The following CCSER1 variants were observed in gnomAD, a reference collection of about 807,000 sequenced individuals.
CCSER1 encodes the protein coiled-coil serine rich protein 1, also known as serine-rich coiled-coil domain-containing protein 1.
In CCSER1, 41 loss-of-function variants were observed where a neutral mutation model predicts 82.0. That is an observed-to-expected ratio of 0.50 (90% confidence interval 0.39 to 0.65). The LOEUF (loss-of-function observed/expected upper bound fraction) is 0.65. Among genes scored for constraint, CCSER1 ranks in the 30% least tolerant of loss-of-function variants. The probability of loss-of-function intolerance (pLI) is 0.00; values close to 1 mark genes in which losing one functional copy is unlikely to be tolerated. For synonymous variants in CCSER1, 414 were observed against 383.9 expected (o/e 1.08, Z -0.92); for missense variants, 1,119 against 1,064.2 (o/e 1.05, Z -0.72).
chr4:91,557,438 C>T (rs1400233774), intron 10 of CCSER1, among the ~76,000 whole-genome samples: 2 of 151,248 alleles, frequency 1.3e-5, no homozygotes, highest in East Asian at 1.9e-4. Context: ...TGGCAGGCAC[C>T]TACTGAACTT....
At position 91,031,537 on chromosome 4, in the gene CCSER1, A is replaced by G. The variant is rs1025945481; in HGVS notation, c.2173-54413A>G. Among the ~76,000 whole-genome samples the G allele has an allele frequency of 3.9e-5, 6 of 152,188 alleles. No individual in the cohort carries two copies. In the East Asian group the frequency reaches 1.2e-3, roughly 29 times the overall value. ...CTTAGACATAATGTTTGCAATAAGC[A>G]TAGTAAATAGCAAACCTTTCATATA... On this transcript the variant is annotated intron_variant, in intron 9 of 10. Transcript: ENST00000509176.
intron 9 of CCSER1, among the ~76,000 whole-genome samples, chr4:91,068,285 T>C (rs1357954113): frequency 2.0e-5 from 3 of 152,200 alleles, no homozygotes; most frequent in African/African-American, 4.8e-5. Context: ...TTTCAGTTAG[T>C]TCTTTGGGTT....
chr4:91,281,208 T>C (rs1314639449), intron 10 of CCSER1, among the ~76,000 whole-genome samples: 9 of 152,160 alleles, frequency 5.9e-5, no homozygotes, highest in Non-Finnish European at 1.3e-4. Flanking sequence ...GTCTTAGGCA[T>C]TTCTTGTCAT....
At chr4:91,029,570 T>G (rs1169102948) in intron 9 of CCSER1, among the ~76,000 whole-genome samples, 2 of 152,030 alleles carry the variant, frequency 1.3e-5, no homozygotes, top group African/African-American at 4.8e-5. Context: ...CCTGCCTAAG[T>G]CTTGTCATGA....
chr4:91,078,864 C>G (rs1722343656), intron 9 of CCSER1, among the ~76,000 whole-genome samples: 1 of 152,032 alleles, frequency 6.6e-6, no homozygotes, highest in Non-Finnish European at 1.5e-5. Context: ...AATGTAGCGA[C>G]AAGAGAAGTT....
intron 6 of CCSER1, among the ~76,000 whole-genome samples, chr4:90,637,180 C>A (rs977461951): frequency 6.6e-6 from 1 of 152,090 alleles, no homozygotes; most frequent in Admixed American, 6.6e-5. Context: ...GTCATGAATT[C>A]TTGGCTAAAC....
chr4:91,143,343 C>T (rs1729218392), intron 10 of CCSER1, among the ~76,000 whole-genome samples: 1 of 151,794 alleles, frequency 6.6e-6, no homozygotes, highest in African/African-American at 2.4e-5. Context: ...TATCCTGAAA[C>T]TTTACTGAAG....
chr4:90,770,043 G>T (rs532125425), intron 7 of CCSER1, among the ~76,000 whole-genome samples: 22 of 152,120 alleles, frequency 1.4e-4, no homozygotes, highest in Non-Finnish European at 2.9e-4. Context: ...GGGCCCATTT[G>T]TGAGGCTCTG....
At chr4:91,100,336 C>G (rs1180312836) in intron 10 of CCSER1, among the ~76,000 whole-genome samples, 3 of 151,894 alleles carry the variant, frequency 2.0e-5, no homozygotes, top group Non-Finnish European at 4.4e-5. Flanking sequence ...TAGTGTCTGG[C>G]ACATAGGAAG....
intron 1 of CCSER1, among the ~76,000 whole-genome samples, chr4:90,240,064 G>A (rs186951234): frequency 6.6e-6 from 1 of 152,338 alleles, no homozygotes; most frequent in East Asian, 1.9e-4. Context: ...AGATCTTAAA[G>A]AGAAGGTGTA....
chr4:90,742,215 C>T (rs1746670539), intron 7 of CCSER1, among the ~76,000 whole-genome samples: 1 of 152,160 alleles, frequency 6.6e-6, no homozygotes, highest in African/African-American at 2.4e-5. Context: ...ACTCTCCCAC[C>T]AGGCTCCTTC....
intron 8 of CCSER1, among the ~76,000 whole-genome samples, chr4:90,875,908 A>G (rs1207437118): frequency 6.6e-6 from 1 of 152,198 alleles, no homozygotes; most frequent in African/African-American, 2.4e-5. Context: ...AGAGCAGACT[A>G]TTGCGATGGT....
chr4:91,057,061 CTG>C, intron 9 of CCSER1, among the ~76,000 whole-genome samples: 1 of 152,236 alleles, frequency 6.6e-6, no homozygotes, highest in Non-Finnish European at 1.5e-5. Context: ...ACCTCTGTGT[CTG>C]CACCTCCATG....
At chr4:91,277,526 CT>C (rs552319172) in intron 10 of CCSER1, among the ~76,000 whole-genome samples, 1,272 of 99,980 alleles carry the variant, frequency 0.013, 8 homozygotes, top group African/African-American at 0.031. Flanking sequence ...CCATTTTGTC[CT>C]TTTTTTTTTT....
intron 10 of CCSER1, among the ~76,000 whole-genome samples, chr4:91,441,325 A>T (rs1447296215): frequency 2.6e-5 from 4 of 152,164 alleles, no homozygotes; most frequent in Non-Finnish European, 5.9e-5. Context: ...TATACACAAA[A>T]CAATAAATGT....
chr4:91,296,284 C>A (rs1198720141), intron 10 of CCSER1, among the ~76,000 whole-genome samples: 1 of 151,132 alleles, frequency 6.6e-6, no homozygotes, highest in East Asian at 2.0e-4. Context: ...TTCCATAGAA[C>A]ACCACTCCCT....
intron 10 of CCSER1, among the ~76,000 whole-genome samples, chr4:91,483,662 C>A (rs1286813862): frequency 6.6e-6 from 1 of 152,122 alleles, no homozygotes; most frequent in African/African-American, 2.4e-5. Context: ...TCTCGAACTC[C>A]TGACCTTAGG....
chr4:91,336,052 C>T (rs1208173344), intron 10 of CCSER1, among the ~76,000 whole-genome samples: 1 of 152,056 alleles, frequency 6.6e-6, no homozygotes, highest in Non-Finnish European at 1.5e-5. Context: ...TTTTATATAA[C>T]TGCTGAGAAG....
At chr4:90,188,168 C>T (rs1185177245) in intron 1 of CCSER1, among the ~76,000 whole-genome samples, 1 of 151,820 alleles carries the variant, frequency 6.6e-6, no homozygotes, top group African/African-American at 2.4e-5. Flanking sequence ...CATCCCATAC[C>T]ACCAACTTCA....
Sources: allele counts gnomAD v4.1 joint callset (sites outside exome capture counted in the v4.1 genomes callset), GRCh38; gene constraint gnomAD v4.1.1; transcripts MANE v1.5; gene names NCBI Gene and HGNC (gene_info 2026-07-23, HGNC 2026-07-21).